The following POLR3B variants were observed in gnomAD, a reference collection of about 807,000 sequenced individuals.
POLR3B encodes RNA polymerase III subunit B, also known as DNA-directed RNA polymerase III subunit RPC2.
A neutral mutation model predicts 147.4 loss-of-function variants in POLR3B; 96 were observed. That is an observed-to-expected ratio of 0.65 (90% CI 0.55 to 0.77). The LOEUF is 0.77. Among genes scored for constraint, POLR3B ranks in the 30% least tolerant of loss-of-function variants. POLR3B has a pLI of 0.00. For missense variants in POLR3B, 1,036 were observed against 1,413.5 expected (o/e 0.73, Z 4.28); for synonymous variants, 461 against 485.9 (o/e 0.95, Z 0.67).
At chr12:106,411,680 C>A (rs1033263919) in intron 12 of POLR3B, among the ~76,000 whole-genome samples, 2 of 152,136 alleles carry the variant, frequency 1.3e-5, no homozygotes, top group Non-Finnish European at 1.5e-5. Flanking sequence ...GGGAGAGAGA[C>A]AATAATCAAG....
intron 25 of POLR3B, among the ~76,000 whole-genome samples, chr12:106,498,103 A>C (rs151129755): frequency 6.6e-6 from 1 of 152,356 alleles, no homozygotes; most frequent in East Asian, 1.9e-4. Flanking sequence ...CACCAAAATG[A>C]AGACAGAGTG....
At chr12:106,443,822 A>G (rs61941918) in intron 18 of POLR3B, among the ~76,000 whole-genome samples, 38,377 of 147,118 alleles carry the variant, frequency 0.26, 5,538 homozygotes, top group African/African-American at 0.4. Flanking sequence ...CATCCGGCCT[A>G]TAGTACCTAT....
At chr12:106,500,293 A>G in intron 25 of POLR3B, 2 of 394,448 alleles carry the variant, frequency 5.1e-6, no homozygotes, top group Non-Finnish European at 9.9e-6. Flanking sequence ...CAAAGTACTT[A>G]TATATTCACC....
At chr12:106,454,399 C>T in intron 19 of POLR3B, 103 bp from the exon 20 acceptor site, 1 of 703,474 alleles carries the variant, frequency 1.4e-6, no homozygotes, top group Non-Finnish European at 2.6e-6. Context: ...AGATTTTGTT[C>T]ATTTTAATTA....
At chr12:106,450,071 G>A (rs2137023183) in intron 19 of POLR3B, among the ~76,000 whole-genome samples, 1 of 152,266 alleles carries the variant, frequency 6.6e-6, no homozygotes, top group East Asian at 1.9e-4. Context: ...GGCATCAAGA[G>A]TCCAGAAATA....
intron 18 of POLR3B, among the ~76,000 whole-genome samples, chr12:106,441,100 C>A (rs114030906): frequency 0.016 from 2,473 of 152,162 alleles, 67 homozygotes; most frequent in African/African-American, 0.057. Flanking sequence ...GATTTTTTTT[C>A]TGAGTACAAA....
At chr12:106,358,162 G>C in intron 1 of POLR3B, 3 of 1,442,766 alleles carry the variant, frequency 2.1e-6, no homozygotes, top group African/African-American at 1.4e-5. Flanking sequence ...GGAGCTGTCA[G>C]CCGCTGCGGG....
chr12:106,403,886 C>T (rs1209589519), intron 10 of POLR3B, among the ~76,000 whole-genome samples: 1 of 151,492 alleles, frequency 6.6e-6, no homozygotes, highest in African/African-American at 2.4e-5. Context: ...GGGTGCAGCA[C>T]ACCAACATGG....
At chr12:106,438,248 A>G (rs564590889) in intron 18 of POLR3B, among the ~76,000 whole-genome samples, 2 of 152,220 alleles carry the variant, frequency 1.3e-5, no homozygotes, top group South Asian at 4.1e-4. Context: ...ATAGTATTTC[A>G]TGGTATATAT....
At chr12:106,471,666 T>C (rs2038094379) in intron 23 of POLR3B, among the ~76,000 whole-genome samples, 1 of 152,108 alleles carries the variant, frequency 6.6e-6, no homozygotes, top group African/African-American at 2.4e-5. Flanking sequence ...TAAAGCCCAG[T>C]AAGTCCTTTC....
intron 12 of POLR3B, among the ~76,000 whole-genome samples, chr12:106,414,506 A>C (rs1247558531): frequency 1.3e-5 from 2 of 152,114 alleles, no homozygotes; most frequent in Non-Finnish European, 2.9e-5. Context: ...TATGAGTTTC[A>C]AGTTCACATC....
chr12:106,450,029 A>ACTTC (rs1252338456), intron 19 of POLR3B, among the ~76,000 whole-genome samples: 1 of 152,196 alleles, frequency 6.6e-6, no homozygotes, highest in Non-Finnish European at 1.5e-5. Flanking sequence ...TATGATGTTG[A>ACTTC]CAGAAGGGTA....
chr12:106,372,316 T>C (rs1593003233), intron 6 of POLR3B, among the ~76,000 whole-genome samples: 1 of 148,980 alleles, frequency 6.7e-6, no homozygotes, highest in Non-Finnish European at 1.5e-5. Flanking sequence ...ATCCATAACT[T>C]TATTTTGTGT....
intron 23 of POLR3B, among the ~76,000 whole-genome samples, chr12:106,486,586 G>A (rs1347310258): frequency 6.6e-6 from 1 of 151,966 alleles, no homozygotes; most frequent in Non-Finnish European, 1.5e-5. Flanking sequence ...CCTTAAGATG[G>A]GCATCTTCTC....
chr12:106,494,630 A>G lies in POLR3B; in HGVS notation c.2714-1425A>G, dbSNP rs2038451851. Among the ~76,000 whole-genome samples, 2 of 152,152 alleles carry G rather than the reference A, an allele frequency of 1.3e-5. 1 individual carries two copies. The highest frequency in any genetic ancestry group is 2.9e-5 in the Non-Finnish European group (2 of 68,024). On this transcript the variant is annotated intron_variant, in intron 23 of 27. Transcript: ENST00000228347. ...CCCTAGGGTTTTGTCAGATAATTTC[A>G]GTGTGGATAAGATGGATTTTTGGAG...
chr12:106,455,274 C>T (rs2037849785), intron 20 of POLR3B, among the ~76,000 whole-genome samples: 1 of 152,130 alleles, frequency 6.6e-6, no homozygotes, highest in Non-Finnish European at 1.5e-5. Flanking sequence ...TGTTAGACAT[C>T]ACCTGATCTG....
intron 1 of POLR3B, 122 bp from the exon 2 acceptor site, chr12:106,363,748 T>C (rs2036497126): frequency 1.2e-6 from 1 of 843,318 alleles, no homozygotes; most frequent in African/African-American, 1.7e-5. Context: ...CATAAAAATG[T>C]TTAAAAATTA....
chr12:106,469,372 C>T (rs1360620466), intron 23 of POLR3B, among the ~76,000 whole-genome samples: 1 of 149,792 alleles, frequency 6.7e-6, no homozygotes, highest in African/African-American at 2.5e-5. Flanking sequence ...TTCCTGAATA[C>T]AGCACACTGA....
At chr12:106,454,848 G>C (rs1475878381) in intron 20 of POLR3B, 137 bp downstream of exon 20, 1 of 661,434 alleles carries the variant, frequency 1.5e-6, no homozygotes, top group African/African-American at 1.8e-5. Flanking sequence ...GAGGTGGTTG[G>C]GTTTTGATGT....
Sources: allele counts gnomAD v4.1 joint callset (sites outside exome capture counted in the v4.1 genomes callset), GRCh38; gene constraint gnomAD v4.1.1; transcripts MANE v1.5; gene names NCBI Gene and HGNC (gene_info 2026-07-23, HGNC 2026-07-21).